The following NKAIN3 variants were observed in gnomAD, a reference collection of about 807,000 sequenced individuals.
The protein encoded by NKAIN3 is sodium/potassium transporting ATPase interacting 3.
A neutral mutation model predicts 30.2 loss-of-function variants in NKAIN3; 25 were observed. The observed-to-expected ratio is 0.83, with a 90% confidence interval of 0.60 to 1.16. The LOEUF is 1.16. NKAIN3 is among the 50% of genes most tolerant of loss of function. NKAIN3 has a pLI of 0.00. For missense variants in NKAIN3, 225 were observed against 254.1 expected, an observed-to-expected ratio of 0.89 and a Z score of 0.78; for synonymous variants, 91 against 89.6, an observed-to-expected ratio of 1.02 and a Z score of -0.09.
intron 1 of NKAIN3, among the ~76,000 whole-genome samples, chr8:62,397,767 T>C (rs1164946989): frequency 6.6e-6 from 1 of 152,120 alleles, no homozygotes; most frequent in East Asian, 1.9e-4. Context: ...GCCAGAAACC[T>C]GTGGATCAGC....
intron 4 of NKAIN3, among the ~76,000 whole-genome samples, chr8:62,803,742 G>T (rs1586214050): frequency 6.6e-6 from 1 of 152,272 alleles, no homozygotes; most frequent in Admixed American, 6.6e-5. Context: ...AAAGCTAGCA[G>T]AAGGCAAGAA....
intron 4 of NKAIN3, among the ~76,000 whole-genome samples, chr8:62,828,844 C>A (rs1819107733): frequency 6.6e-6 from 1 of 152,144 alleles, no homozygotes; most frequent in Non-Finnish European, 1.5e-5. Flanking sequence ...AGACTCCTGG[C>A]TGAGCTCCCA....
chr8:62,697,805 A>G (rs1482702017), intron 3 of NKAIN3, among the ~76,000 whole-genome samples: 1 of 152,240 alleles, frequency 6.6e-6, no homozygotes, highest in African/African-American at 2.4e-5. Context: ...TTTATTTTGC[A>G]AAAGATGTAA....
At chr8:62,516,814 A>T (rs1485920473) in intron 1 of NKAIN3, among the ~76,000 whole-genome samples, 2 of 152,094 alleles carry the variant, frequency 1.3e-5, no homozygotes, top group African/African-American at 4.8e-5. Flanking sequence ...CTGTAGATAC[A>T]CCAAACTGTC....
rs116229628 is a variant in NKAIN3, at chr8:62,708,426, T to C, written c.274-38506T>C. 8.0e-3 allele frequency among the ~76,000 whole-genome samples: 1,224 copies of C among 152,212 alleles called. 8 individuals are homozygous for C. The highest frequency in any genetic ancestry group is 0.028 in the African/African-American group (1,146 of 41,558). On this transcript the variant is annotated intron_variant, in intron 3 of 6. Transcript: ENST00000623646. ...CAGCAGTGTTTTGTAATTTTCTTCA[T>C]AGAAGTCCATCAACCCCTTAGTTAG... is the stretch of plus-strand genomic sequence containing the variant.
intron 4 of NKAIN3, among the ~76,000 whole-genome samples, chr8:62,894,446 T>A (rs2130828798): frequency 6.6e-6 from 1 of 152,306 alleles, no homozygotes. Context: ...CGGTCTTTTG[T>A]TTGTGTTTTG....
intron 3 of NKAIN3, among the ~76,000 whole-genome samples, chr8:62,593,196 T>A (rs1324088586): frequency 6.6e-6 from 1 of 151,960 alleles, no homozygotes; most frequent in African/African-American, 2.4e-5. Flanking sequence ...CATAAGCAAG[T>A]CTCAGTAAAT....
At chr8:62,947,545 C>A (rs1823159993) in intron 5 of NKAIN3, among the ~76,000 whole-genome samples, 2 of 152,286 alleles carry the variant, frequency 1.3e-5, no homozygotes, top group Admixed American at 1.3e-4. Context: ...CTAACTTCCC[C>A]ATCAAGAAGT....
chr8:62,307,621 C>T (rs929003309), intron 1 of NKAIN3, among the ~76,000 whole-genome samples: 9 of 150,614 alleles, frequency 6.0e-5, no homozygotes, highest in Non-Finnish European at 1.3e-4. Context: ...TTGTGCCTCT[C>T]TTGTGCACAA....
In NKAIN3 at chr8:62,971,271, C is replaced by T. The variant is rs1823828662; in HGVS notation, c.*5864C>T. ...ACATCTCATTAGCCAAAACTTGGTCCACCCCCAACTTTGCAGTGAAGAAAC... is the reference window on the plus strand; with the variant it reads ...ACATCTCATTAGCCAAAACTTGGTCTACCCCCAACTTTGCAGTGAAGAAAC... On this transcript the variant is annotated 3_prime_UTR_variant, in exon 7 of 7. Transcript: ENST00000623646. Among the ~76,000 whole-genome samples, 1 of 152,138 alleles carries T rather than the reference C, an allele frequency of 6.6e-6. No homozygotes were observed. Among genetic ancestry groups the T allele is most frequent in the Non-Finnish European group, 1.5e-5 (1 of 68,014 alleles).
At chr8:62,914,174 C>A (rs536074906) in intron 4 of NKAIN3, among the ~76,000 whole-genome samples, 2 of 152,064 alleles carry the variant, frequency 1.3e-5, no homozygotes, top group African/African-American at 4.8e-5. Context: ...TAAAAAATAA[C>A]GAAATCGTAT....
At chr8:62,657,333 A>G (rs1812790736) in intron 3 of NKAIN3, among the ~76,000 whole-genome samples, 1 of 152,140 alleles carries the variant, frequency 6.6e-6, no homozygotes, top group Non-Finnish European at 1.5e-5. Flanking sequence ...GTTGGTCAAT[A>G]CTCTATGTTT....
chr8:62,486,963 C>G (rs1806922288), intron 1 of NKAIN3, among the ~76,000 whole-genome samples: 1 of 152,192 alleles, frequency 6.6e-6, no homozygotes, highest in Admixed American at 6.5e-5. Flanking sequence ...CACAAAAACA[C>G]TCATCTCATG....
intron 3 of NKAIN3, among the ~76,000 whole-genome samples, chr8:62,613,792 ATAT>A (rs1227482350): frequency 6.6e-6 from 1 of 152,054 alleles, no homozygotes; most frequent in Non-Finnish European, 1.5e-5. Context: ...ATCAATTCTA[ATAT>A]TAAAGGAATC....
intron 4 of NKAIN3, among the ~76,000 whole-genome samples, chr8:62,773,490 T>A (rs1817088294): frequency 6.6e-6 from 1 of 152,150 alleles, no homozygotes; most frequent in African/African-American, 2.4e-5. Context: ...TCAGGTAGTG[T>A]TATTTTTCCT....
chr8:62,323,877 C>A (rs1321525587), intron 1 of NKAIN3, among the ~76,000 whole-genome samples: 1 of 151,780 alleles, frequency 6.6e-6, no homozygotes, highest in Non-Finnish European at 1.5e-5. Flanking sequence ...CTGAATAATT[C>A]CAAATATATG....
chr8:62,941,498 A>T (rs191056962), intron 5 of NKAIN3, among the ~76,000 whole-genome samples: 26 of 152,276 alleles, frequency 1.7e-4, no homozygotes, highest in African/African-American at 6.0e-4. Context: ...ACATAGATGC[A>T]AAAATCCTCA....
At chr8:62,335,075 ACT>A (rs1815495322) in intron 1 of NKAIN3, among the ~76,000 whole-genome samples, 1 of 151,910 alleles carries the variant, frequency 6.6e-6, no homozygotes, top group Admixed American at 6.6e-5. Flanking sequence ...GAGAGGTGTA[ACT>A]CTCTGTGGAA....
chr8:62,303,574 C>T (rs371694552), intron 1 of NKAIN3, among the ~76,000 whole-genome samples: 2 of 150,522 alleles, frequency 1.3e-5, no homozygotes, highest in African/African-American at 5.0e-5. Context: ...CTTATACTTG[C>T]GTTTTCAAAG....
Sources: gnomAD v4.1 joint callset for allele counts (sites outside exome capture counted in the v4.1 genomes callset) on GRCh38, gnomAD v4.1.1 for gene constraint, MANE v1.5 for transcripts, NCBI Gene and HGNC (gene_info 2026-07-23, HGNC 2026-07-21) for gene names.